The following TCF4 variants were observed in gnomAD, a reference collection of about 807,000 sequenced individuals.
TCF4 encodes transcription factor 4.
In TCF4, 3 loss-of-function variants were observed where a neutral mutation model predicts 82.1. The ratio of observed to expected loss-of-function variants is 0.04; its 90% CI spans 0.02 to 0.09. TCF4 has a LOEUF of 0.09. Ranked by LOEUF, TCF4 falls within the 10% of genes least tolerant of loss-of-function variation. The pLI is 1.00. For missense variants in TCF4, 518 were observed against 852.7 expected, an observed-to-expected ratio of 0.61 and a Z score of 4.89; for synonymous variants, 276 against 309.6, an observed-to-expected ratio of 0.89 and a Z score of 1.14.
intron 5 of TCF4, among the ~76,000 whole-genome samples, chr18:55,436,248 G>T (rs977120911): frequency 6.6e-6 from 1 of 152,032 alleles, no homozygotes; most frequent in African/African-American, 2.4e-5. Context: ...AAAAGTTCCT[G>T]GGTAAAGAAA....
chr18:55,515,488 G>T (rs891304647), intron 3 of TCF4, among the ~76,000 whole-genome samples: 1 of 152,170 alleles, frequency 6.6e-6, no homozygotes, highest in Non-Finnish European at 1.5e-5. Flanking sequence ...CATACAAGAG[G>T]ACAAGCTGGA....
intron 12 of TCF4, 146 bp downstream of exon 12, chr18:55,261,320 C>T: frequency 1.0e-6 from 1 of 962,690 alleles, no homozygotes; most frequent in Non-Finnish European, 1.7e-6. Flanking sequence ...CTCAAATTTT[C>T]CAGTGACTGT....
intron 5 of TCF4, among the ~76,000 whole-genome samples, chr18:55,432,183 G>A (rs2095220647): frequency 6.6e-6 from 1 of 152,068 alleles, no homozygotes; most frequent in Non-Finnish European, 1.5e-5. Context: ...CACGCCTGTA[G>A]TCCCAGCCAC....
intron 6 of TCF4, among the ~76,000 whole-genome samples, chr18:55,381,966 A>T (rs1603427717): frequency 6.6e-6 from 1 of 151,692 alleles, no homozygotes; most frequent in Non-Finnish European, 1.5e-5. Flanking sequence ...AACTTTGACT[A>T]GTACTGGACT....
intron 11 of TCF4, chr18:55,265,402 T>C (rs2058920499): frequency 6.6e-6 from 1 of 152,186 alleles, no homozygotes; most frequent in African/African-American, 2.4e-5. Flanking sequence ...ACTACAACCA[T>C]TTTAAAATAC....
intron 3 of TCF4, chr18:55,482,045 TA>T (rs2096444586): frequency 6.6e-6 from 1 of 152,178 alleles, no homozygotes; most frequent in Non-Finnish European, 1.5e-5. Flanking sequence ...GAGAAGGGCC[TA>T]GGGGTGAGAA....
At chr18:55,357,444 A>G (rs1201400116) in intron 6 of TCF4, among the ~76,000 whole-genome samples, 1 of 152,214 alleles carries the variant, frequency 6.6e-6, no homozygotes, top group Non-Finnish European at 1.5e-5. Flanking sequence ...GATATGCTAT[A>G]ATCACTACTT....
intron 8 of TCF4, among the ~76,000 whole-genome samples, chr18:55,339,581 G>A (rs996005385): frequency 6.6e-5 from 10 of 152,092 alleles, no homozygotes; most frequent in Non-Finnish European, 4.4e-5. Context: ...GACTTTTCCC[G>A]AGGAATCTAA....
chr18:55,364,748 T>G (rs547201670), intron 6 of TCF4, among the ~76,000 whole-genome samples: 1 of 152,340 alleles, frequency 6.6e-6, no homozygotes, highest in African/African-American at 2.4e-5. Flanking sequence ...AACAAATCTT[T>G]CAAGGTCTAT....
chr18:55,234,471 A>C, intron 16 of TCF4, 77 bp downstream of exon 16: 3 of 1,591,940 alleles, frequency 1.9e-6, no homozygotes, highest in Non-Finnish European at 2.6e-6. Flanking sequence ...TTGAGGGATG[A>C]ACACCAAGAG....
At chr18:55,284,699 T>C (rs577646429) in intron 8 of TCF4, among the ~76,000 whole-genome samples, 7 of 152,312 alleles carry the variant, frequency 4.6e-5, no homozygotes, top group East Asian at 3.9e-4. Context: ...AACGTTGTAA[T>C]TGAGGCTTTC....
At chr18:55,420,675 G>C (rs1329395437) in intron 5 of TCF4, among the ~76,000 whole-genome samples, 1 of 152,138 alleles carries the variant, frequency 6.6e-6, no homozygotes, top group East Asian at 1.9e-4. Context: ...CCAGTGGAAC[G>C]TTCAGCGTTA....
intron 6 of TCF4, among the ~76,000 whole-genome samples, chr18:55,377,273 C>A (rs2090995515): frequency 6.6e-6 from 1 of 152,168 alleles, no homozygotes; most frequent in African/African-American, 2.4e-5. Context: ...TCAAGACCAG[C>A]CTGGGCAACA....
intron 9 of TCF4, among the ~76,000 whole-genome samples, chr18:55,277,217 A>AT (rs1006029785): frequency 1.3e-5 from 2 of 152,044 alleles, no homozygotes; most frequent in South Asian, 2.1e-4. Flanking sequence ...AAAACACATG[A>AT]TTTTTTTTAA....
In TCF4 at chr18:55,429,764, CAAAAAA is replaced by C. The variant is rs35255242; in HGVS notation, c.305-26252_305-26247del. Among the ~76,000 whole-genome samples, 329 of 57,180 alleles carry C rather than the reference CAAAAAA, an allele frequency of 5.8e-3. 5 individuals carry two copies. The East Asian group carries it at 0.075, about 13-fold the overall frequency. 37.5% of individuals were successfully genotyped at this position (57,180 alleles called of 152,430 possible). On this transcript the variant is annotated intron_variant, in intron 5 of 19. Coordinates refer to ENST00000354452, the MANE Select transcript of TCF4 (RefSeq NM_001083962.2). ...TGGGGGACAGAGCAAGACTCCATCT[CAAAAAA>C]AAAAAAAAAAAAAAAAAAACAATTT...
At chr18:55,460,574 C>CT (rs1201801038) in intron 5 of TCF4, among the ~76,000 whole-genome samples, 1 of 152,222 alleles carries the variant, frequency 6.6e-6, no homozygotes, top group African/African-American at 2.4e-5. Flanking sequence ...TTTAAGCACA[C>CT]TAAGCCCATT....
At chr18:55,387,856 T>C (rs1017911243) in intron 6 of TCF4, among the ~76,000 whole-genome samples, 6 of 152,340 alleles carry the variant, frequency 3.9e-5, no homozygotes, top group South Asian at 4.1e-4. Context: ...GGTGACCTTT[T>C]GCTCTTTGGA....
intron 5 of TCF4, among the ~76,000 whole-genome samples, chr18:55,434,424 T>TTTC (rs2095277180): frequency 6.8e-6 from 1 of 146,630 alleles, no homozygotes; most frequent in Non-Finnish European, 1.5e-5. Flanking sequence ...ACATTCTTTT[T>TTTC]TTTTTTTTTT....
At chr18:55,442,861 T>A (rs565393907) in intron 5 of TCF4, among the ~76,000 whole-genome samples, 30 of 152,298 alleles carry the variant, frequency 2.0e-4, no homozygotes, top group African/African-American at 7.2e-4. Flanking sequence ...CACATGAAGC[T>A]CTGCACCCTT....
Sources: gnomAD v4.1 joint callset for allele counts (sites outside exome capture counted in the v4.1 genomes callset) on GRCh38, gnomAD v4.1.1 for gene constraint, MANE v1.5 for transcripts, NCBI Gene and HGNC (gene_info 2026-07-23, HGNC 2026-07-21) for gene names.